Variants in PXN observed in about 807,000 individuals in gnomAD.
The protein encoded by PXN is paxillin.
PXN carries 61 observed loss-of-function variants against 103.6 expected under a neutral mutation model. The observed-to-expected ratio is 0.59, with a 90% CI of 0.48 to 0.73. The LOEUF (loss-of-function observed/expected upper bound fraction) is 0.73. Ranked by LOEUF, PXN falls within the 30% of genes least tolerant of loss-of-function variation. The probability of loss-of-function intolerance (pLI) is 0.00; values close to 1 mark genes in which losing one functional copy is unlikely to be tolerated. For missense variants in PXN, 1,274 were observed against 1,460.3 expected (o/e 0.87, Z 2.08); for synonymous variants, 562 against 607.8 (o/e 0.92, Z 1.11).
In PXN at chr12:120,265,492, G is replaced by A; in HGVS notation, c.13+125C>T. ...AGCCCCGCGGAGCCCCGGCCGGCAG[G>A]GACAGGAGCTGAGGCCGGGGCCGCC... On this transcript the variant is annotated intron_variant, in intron 1 of 14. Transcript: ENST00000637617. The surrounding 1 kb of genome is among the most constrained non-coding windows in gnomAD (Gnocchi z 5.7). 2 of 1,138,516 alleles carry A rather than the reference G, an allele frequency of 1.8e-6. No individual in the cohort carries two copies. Among genetic ancestry groups the A allele is most frequent in the Admixed American group, 8.1e-5 (2 of 24,604 alleles). 70.5% of individuals were successfully genotyped at this position (1,138,516 alleles called of 1,614,324 possible).
intron 1 of PXN, among the ~76,000 whole-genome samples, chr12:120,255,827 C>T (rs1257569554): frequency 1.3e-5 from 2 of 151,952 alleles, no homozygotes; most frequent in Non-Finnish European, 2.9e-5. Flanking sequence ...GGGCGGATTA[C>T]CTGAGCTCAG....
intron 1 of PXN, among the ~76,000 whole-genome samples, chr12:120,242,859 C>T (rs529540481): frequency 3.1e-4 from 46 of 148,726 alleles, no homozygotes; most frequent in African/African-American, 1.1e-3. Flanking sequence ...CCAGCCTGAG[C>T]GACAGAGCGA....
In PXN at chr12:120,224,688, C is replaced by T. The variant is rs939469480; in HGVS notation, c.14-311G>A. The T allele has an allele frequency of 4.1e-5, 25 of 608,666 alleles. No individual in the cohort carries two copies. The highest frequency in any genetic ancestry group is 5.0e-4 in the Middle Eastern group (2 of 3,962). The allele number at this position is 608,666 out of a possible 1,614,324, so 37.7% of individuals were successfully genotyped here. A position where few individuals can be genotyped will look rare whatever the true frequency, so the allele number is the denominator to read the frequency against. The stretch of plus-strand genomic sequence containing the variant: ...GCACTGCGTTCCCTCCTGACAGGGC[C>T]GCGCAGCCGCGAGTGAAGTGCCTGT... On this transcript the variant is annotated intron_variant, in intron 1 of 14. Transcript: ENST00000637617. This position sits in a 1 kb window ranked among gnomAD's most constrained non-coding sequence, Gnocchi z 5.0.
chr12:120,253,454 C>G (rs543826020), intron 1 of PXN, among the ~76,000 whole-genome samples: 78 of 152,212 alleles, frequency 5.1e-4, no homozygotes, highest in African/African-American at 1.8e-3. Context: ...GCCTGGGTGA[C>G]AGAGCGAGAC....
chr12:120,246,514 C>CAAA lies in PXN; in HGVS notation c.13+19100_13+19102dup, dbSNP rs139689226. ...TGGGGGACAGAGAAAGACTCTGTCT[C>CAAA]AAAAAAAAAAAAAAAAAAAGAAAAA... On this transcript the variant is annotated intron_variant, in intron 1 of 14. Transcript: ENST00000637617. Among the ~76,000 whole-genome samples, 277 of 58,316 alleles carry CAAA rather than the reference C, an allele frequency of 4.7e-3. 3 individuals are homozygous for CAAA. The highest frequency in any genetic ancestry group is 0.016 in the African/African-American group (255 of 16,058). 38.3% of individuals were successfully genotyped at this position (58,316 alleles called of 152,430 possible). A position where few individuals can be genotyped will look rare whatever the true frequency, so the allele number is the denominator to read the frequency against.
Position 120,217,118 on chromosome 12 carries a change from TAGGGGG to T in PXN, c.1717-8_1717-3del. On this transcript the variant is annotated splice_polypyrimidine_tract_variant and splice_region_variant and intron_variant, in intron 7 of 14. Transcript: ENST00000637617. This position sits in a 1 kb window ranked among gnomAD's most constrained non-coding sequence, Gnocchi z 4.1. The stretch of plus-strand genomic sequence containing the variant: ...GCTCCTCCTGATCACAGATCGGATC[TAGGGGG>T]AGGGGGAGGGGAGGCTGTCACCGTC... 6.3e-7 allele frequency: 1 copy of T among 1,579,918 alleles called. No individual in the cohort carries two copies. The highest frequency in any genetic ancestry group is 8.5e-7 in the Non-Finnish European group (1 of 1,171,242).
Position 120,212,141 on chromosome 12 carries a change from G to T in PXN, c.*173C>A. 6.1e-6 allele frequency: 6 copies of T among 979,278 alleles called. No individual in the cohort carries two copies. Among genetic ancestry groups the T allele is most frequent in the South Asian group, 1.4e-5 (1 of 72,926 alleles). The allele number at this position is 979,278 out of a possible 1,614,324, so 60.7% of individuals were successfully genotyped here. A position where few individuals can be genotyped will look rare whatever the true frequency, so the allele number is the denominator to read the frequency against. ...AGGGGGCCCAGAGGCTCTGGCAGGG[G>T]TGAAGACAAGCAGGGGGACCCCTCA... On this transcript the variant is annotated 3_prime_UTR_variant, in exon 15 of 15. Coordinates refer to ENST00000637617, the MANE Select transcript of PXN (RefSeq NM_001385981.1). This position sits in a 1 kb window ranked among gnomAD's most constrained non-coding sequence, Gnocchi z 7.2.
rs748135730 is a variant in PXN, at chr12:120,215,589, TCCGCCCGCCGTCCCGAGGCCAG to T, written c.2352_2373del (p.Trp785AlafsTer44). Reference sequence around the variant, plus strand: ...CCCTCGTCCTGCCCTCCGGGGCTGCTCCGCCCGCCGTCCCGAGGCCAGCCGGCCGCCCAGCACCGCTCCCCAT... The same window carrying T: ...CCCTCGTCCTGCCCTCCGGGGCTGCTCCGGCCGCCCAGCACCGCTCCCCAT... On this transcript the variant is annotated frameshift_variant, in exon 10 of 15. Transcript: ENST00000637617. LOFTEE classifies it high-confidence loss of function. This position sits in a 1 kb window ranked among gnomAD's most constrained non-coding sequence, Gnocchi z 4.9. 6.2e-7 allele frequency: 1 copy of T among 1,606,076 alleles called. No homozygotes were observed. The highest frequency in any genetic ancestry group is 8.5e-7 in the Non-Finnish European group (1 of 1,177,740).
intron 1 of PXN, among the ~76,000 whole-genome samples, chr12:120,258,649 G>A (rs894273264): frequency 6.6e-6 from 1 of 152,200 alleles, no homozygotes; most frequent in Non-Finnish European, 1.5e-5. Flanking sequence ...AAGTTGAGAG[G>A]CCCGGGTACT....
chr12:120,226,449 G>A (rs1402293513), intron 1 of PXN: 1 of 1,288,598 alleles, frequency 7.8e-7, no homozygotes, highest in Non-Finnish European at 1.0e-6. Flanking sequence ...GCTGGATGAA[G>A]TGACAATGCT....
chr12:120,226,324 T>G, intron 1 of PXN: 1 of 1,289,180 alleles, frequency 7.8e-7, no homozygotes, highest in African/African-American at 1.5e-5. Flanking sequence ...CTGCCATCCT[T>G]GAAGGCCCAC....
Position 120,265,534 on chromosome 12 carries a change from G to A in PXN, c.13+83C>T, listed in dbSNP as rs1273880947. On this transcript the variant is annotated intron_variant, in intron 1 of 14. Transcript: ENST00000637617. The surrounding 1 kb of genome is among the most constrained non-coding windows in gnomAD (Gnocchi z 5.7). ...GGGGCCGCCGAGGGTGGGATCCCGC[G>A]GCCCCTGCCGCTCGCTGGCGCCCTC... 4.9e-6 allele frequency: 7 copies of A among 1,426,138 alleles called. No homozygotes were observed. Among genetic ancestry groups the A allele is most frequent in the Non-Finnish European group, 6.4e-6 (7 of 1,090,442 alleles). The allele number at this position is 1,426,138 out of a possible 1,614,324, so 88.3% of individuals were successfully genotyped here.
At chr12:120,258,991 C>G (rs1325880083) in intron 1 of PXN, among the ~76,000 whole-genome samples, 1 of 152,108 alleles carries the variant, frequency 6.6e-6, no homozygotes, top group Non-Finnish European at 1.5e-5. Flanking sequence ...ATCGCTTGAA[C>G]CCAGGAGGCA....
chr12:120,224,175 G>A lies in PXN; in HGVS notation c.216C>T (p.Ser72=), dbSNP rs757245043. ...ILDPLDQWQP[S]SSRFIHQQPQ... is the part of the protein sequence containing the mutation. The stretch of plus-strand genomic sequence containing the variant: ...CCTGCTGGTGGATGAATCGGGAGCT[G>A]CTGGGCTGCCACTGGTCTAAGGGGT... Residue 72 remains serine (S), a synonymous_variant, in exon 2 of 15, where the codon AGC becomes AGT. Coordinates refer to ENST00000637617, the MANE Select transcript of PXN (RefSeq NM_001385981.1). This position sits in a 1 kb window ranked among gnomAD's most constrained non-coding sequence, Gnocchi z 5.0. 1.2e-5 allele frequency: 19 copies of A among 1,597,486 alleles called. No homozygotes were observed. The highest frequency in any genetic ancestry group is 3.4e-5 in the South Asian group (3 of 89,178).
chr12:120,224,287 G>A lies in PXN; in HGVS notation c.104C>T (p.Thr35Ile). 2 of 1,613,994 alleles carry A rather than the reference G, an allele frequency of 1.2e-6. No individual in the cohort carries two copies. The highest frequency in any genetic ancestry group is 4.5e-5 in the East Asian group (2 of 44,876). ...AATCTCCTGGTATGTGTGGTTTCCA[G>A]TTGGGTATGAGTAGGGGGTCTCCTC... Reference protein sequence around the residue: ...LSEETPYSYPTGNHTYQEIAV... With the variant: ...LSEETPYSYPIGNHTYQEIAV... Residue 35 changes from threonine (T) to isoleucine (I), a missense_variant, in exon 2 of 15, where the codon ACT becomes ATT. By Grantham distance (89) the Thr-to-Ile change is moderately conservative. Around this residue, in one of 2 missense-constraint regions of PXN, gnomAD observed 1,178 missense variants for 1,309.0 expected, o/e 0.90. Transcript: ENST00000637617. This position sits in a 1 kb window ranked among gnomAD's most constrained non-coding sequence, Gnocchi z 5.0.
Position 120,213,994 on chromosome 12 carries a change from G to A in PXN, c.2831-4C>T. 6.2e-7 allele frequency: 1 copy of A among 1,611,416 alleles called. No homozygotes were observed. Among genetic ancestry groups the A allele is most frequent in the Non-Finnish European group, 8.5e-7 (1 of 1,179,110 alleles). On this transcript the variant is annotated splice_region_variant and splice_polypyrimidine_tract_variant and intron_variant, in intron 13 of 14. Transcript: ENST00000637617. This position sits in a 1 kb window ranked among gnomAD's most constrained non-coding sequence, Gnocchi z 4.2. Reference sequence around the variant, plus strand: ...TTGCCGTCCTTCTCGTGGAACCCTGGGGAGCGGGGGTTTTGGAGGCACAGT... The same window carrying A: ...TTGCCGTCCTTCTCGTGGAACCCTGAGGAGCGGGGGTTTTGGAGGCACAGT...
At chr12:120,264,695 G>A (rs1894405005) in intron 1 of PXN, among the ~76,000 whole-genome samples, 1 of 152,204 alleles carries the variant, frequency 6.6e-6, no homozygotes. Flanking sequence ...AGGGCCTGAC[G>A]CAGAGAGGGT....
intron 1 of PXN, among the ~76,000 whole-genome samples, chr12:120,254,796 GC>G (rs1892745339): frequency 6.6e-6 from 1 of 152,084 alleles, no homozygotes; most frequent in South Asian, 2.1e-4. Flanking sequence ...AGATCCACCT[GC>G]CTTGGCCTCC....
chr12:120,222,795 C>T lies in PXN; in HGVS notation c.494-45G>A. 2.5e-6 allele frequency: 4 copies of T among 1,601,604 alleles called. No homozygotes were observed. Among genetic ancestry groups the T allele is most frequent in the Non-Finnish European group, 3.4e-6 (4 of 1,173,646 alleles). On this transcript the variant is annotated intron_variant, in intron 4 of 14. Coordinates refer to ENST00000637617, the MANE Select transcript of PXN (RefSeq NM_001385981.1). The surrounding 1 kb of genome is among the most constrained non-coding windows in gnomAD (Gnocchi z 4.7). ...AAGGCTGCTCAGCCCTTGAGCCCTC[C>T]TGGGATCTAGAGGTCAGCAGATGGG... is the stretch of plus-strand genomic sequence containing the variant.
Sources: allele counts gnomAD v4.1 joint callset (sites outside exome capture counted in the v4.1 genomes callset), GRCh38; gene constraint gnomAD v4.1.1; regional missense constraint gnomAD v4.1.1; non-coding constraint Gnocchi (gnomAD v3.1); transcripts MANE v1.5; gene names NCBI Gene and HGNC (gene_info 2026-07-23, HGNC 2026-07-21).